The following GRHPR variants were observed in gnomAD, a reference collection of about 807,000 sequenced individuals.
The protein encoded by GRHPR is glyoxylate reductase/hydroxypyruvate reductase.
In GRHPR, 35 loss-of-function variants were observed where a neutral mutation model predicts 36.8. The ratio of observed to expected loss-of-function variants is 0.95; its 90% CI spans 0.73 to 1.26. GRHPR has a LOEUF of 1.26. GRHPR is among the 50% of genes most tolerant of loss of function. The pLI, the probability that GRHPR is intolerant of heterozygous loss-of-function variation, is 0.00. For missense variants in GRHPR, 380 were observed against 435.0 expected (o/e 0.87, Z 1.12); for synonymous variants, 179 against 181.0 (o/e 0.99, Z 0.09).
chr9:37,428,673 A>G, intron 5 of GRHPR, 101 bp downstream of exon 5: 1 of 804,952 alleles, frequency 1.2e-6, no homozygotes, highest in Non-Finnish European at 2.2e-6. Flanking sequence ...ACATGCTGTC[A>G]GGGCACTTTG....
chr9:37,427,051 G>A (rs1339981301), intron 4 of GRHPR, among the ~76,000 whole-genome samples: 1 of 152,168 alleles, frequency 6.6e-6, no homozygotes, highest in Non-Finnish European at 1.5e-5. Flanking sequence ...CATAGTCCCT[G>A]ACCCCAGGTG....
chr9:37,428,417 G>A (rs1034440163), intron 4 of GRHPR, 67 bp from the exon 5 acceptor site: 8 of 1,022,260 alleles, frequency 7.8e-6, no homozygotes, highest in South Asian at 2.5e-5. Flanking sequence ...CAGAGGTGCC[G>A]GGTTCTCAGC....
chr9:37,438,612 C>T (rs1327706597), downstream of GRHPR: 1 of 152,342 alleles, frequency 6.6e-6, no homozygotes, highest in Non-Finnish European at 1.5e-5. Context: ...ACCGCTCTGC[C>T]TGTGTCACTG....
rs917641311 is a variant in GRHPR, at chr9:37,429,774, G to A, written c.536G>A (p.Arg179Lys). ...ARRLKPFGVQ[R>K]FLYTGRQPRP... Reference sequence around the variant, plus strand: ...CGTCTGAAACCATTCGGTGTCCAGAGATTTCTGTACACAGGGCGCCAGCCC... The same window carrying A: ...CGTCTGAAACCATTCGGTGTCCAGAAATTTCTGTACACAGGGCGCCAGCCC... Residue 179 changes from arginine to lysine, a missense_variant, in exon 6 of 9, where the codon AGA becomes AAA. By Grantham distance (26) the Arg-to-Lys change is conservative. Coordinates refer to ENST00000318158, the MANE Select transcript of GRHPR (RefSeq NM_012203.2). The A allele has an allele frequency of 6.2e-7, 1 of 1,613,826 alleles. No homozygotes were observed. Among genetic ancestry groups the A allele is most frequent in the Non-Finnish European group, 8.5e-7 (1 of 1,179,656 alleles).
In GRHPR at chr9:37,436,795, G is replaced by A. The variant is rs1823687254; in HGVS notation, c.*13G>A. ...ACTCAAGCTGTAGCCAAACAGTAGA[G>A]ATGGAGGGCCGGGAAGCAAACCGTG... On this transcript the variant is annotated 3_prime_UTR_variant, in exon 9 of 9. Coordinates refer to ENST00000318158, the MANE Select transcript of GRHPR (RefSeq NM_012203.2). The A allele has an allele frequency of 1.2e-6, 2 of 1,613,872 alleles. No homozygotes were observed. Among genetic ancestry groups the A allele is most frequent in the Non-Finnish European group, 1.7e-6 (2 of 1,179,910 alleles).
At chr9:37,424,388 G>A (rs901057816) in intron 1 of GRHPR, among the ~76,000 whole-genome samples, 16 of 152,234 alleles carry the variant, frequency 1.1e-4, no homozygotes, top group African/African-American at 3.1e-4. Flanking sequence ...CCGTGGAAGC[G>A]TTGGGTGGCC....
intron 8 of GRHPR, among the ~76,000 whole-genome samples, chr9:37,433,033 C>G (rs1823445617): frequency 6.6e-6 from 1 of 152,192 alleles, no homozygotes; most frequent in Admixed American, 6.5e-5. Flanking sequence ...TCTAGCAGCA[C>G]CAGTTCCTTC....
In GRHPR at chr9:37,422,704, GGGCCAGCTTCTGTACTGCCA is replaced by G. The variant is rs1297225903; in HGVS notation, c.-44_-25del. ...CCCGCCCCGGCCCAGCTACATTCCC[GGGCCAGCTTCTGTACTGCCA>G]GGTCCGGGTCGGCGGCTGCACTGCG... On this transcript the variant is annotated 5_prime_UTR_variant, in exon 1 of 9. Transcript: ENST00000318158. The G allele has an allele frequency of 5.6e-6, 8 of 1,429,970 alleles. No homozygotes were observed. The African/African-American group carries it at 9.9e-5, about 18-fold the overall frequency. The allele number at this position is 1,429,970 out of a possible 1,614,324, so 88.6% of individuals were successfully genotyped here.
At chr9:37,429,515 G>C (rs1391463780) in intron 5 of GRHPR, 2 of 621,220 alleles carry the variant, frequency 3.2e-6, no homozygotes, top group East Asian at 5.8e-5. Context: ...GGGGAGCTGA[G>C]GTGCTGTCTC....
At chr9:37,429,244 T>C (rs1373865587) in intron 5 of GRHPR, 1 of 262,378 alleles carries the variant, frequency 3.8e-6, no homozygotes, top group Non-Finnish European at 7.5e-6. Context: ...AAAATCCAAC[T>C]GTACAAATCT....
intron 1 of GRHPR, among the ~76,000 whole-genome samples, chr9:37,423,398 C>T (rs931597436): frequency 6.6e-6 from 1 of 151,764 alleles, no homozygotes; most frequent in Admixed American, 6.6e-5. Context: ...GTCTCAAATT[C>T]CTGGGCTCAA....
chr9:37,430,965 T>C, intron 7 of GRHPR: 1 of 507,876 alleles, frequency 2.0e-6, no homozygotes, highest in Non-Finnish European at 4.0e-6. Context: ...CACAAAGGGC[T>C]GGACTTGAGG....
At chr9:37,429,202 A>G (rs756090361) in intron 5 of GRHPR, 2 of 253,224 alleles carry the variant, frequency 7.9e-6, no homozygotes, top group East Asian at 9.7e-5. Context: ...GCTTGGAGGA[A>G]CCCAACAGCT....
intron 5 of GRHPR, chr9:37,429,531 C>G (rs568601318): frequency 1.5e-6 from 1 of 655,332 alleles, no homozygotes; most frequent in South Asian, 1.6e-5. Context: ...GTCTCCAGAT[C>G]CCTGGGGCAG....
intron 8 of GRHPR, among the ~76,000 whole-genome samples, chr9:37,433,571 A>T (rs1336388441): frequency 6.6e-6 from 1 of 152,086 alleles, no homozygotes; most frequent in Non-Finnish European, 1.5e-5. Context: ...TGGAGGAGTG[A>T]CTGATCAAAC....
At chr9:37,423,371 C>T (rs1215770013) in intron 1 of GRHPR, among the ~76,000 whole-genome samples, 1 of 151,310 alleles carries the variant, frequency 6.6e-6, no homozygotes, top group East Asian at 1.9e-4. Context: ...GGGGGTCTCA[C>T]TCTGTTGCTC....
intron 1 of GRHPR, among the ~76,000 whole-genome samples, chr9:37,423,908 C>T (rs1296079189): frequency 1.3e-5 from 2 of 152,198 alleles, no homozygotes; most frequent in East Asian, 3.8e-4. Context: ...GGAGGCTGGA[C>T]TTAGGGTTAA....
intron 5 of GRHPR, chr9:37,429,308 G>C: frequency 3.5e-6 from 1 of 283,820 alleles, no homozygotes; most frequent in South Asian, 3.6e-5. Flanking sequence ...CTGGCAGTTT[G>C]GCAGTGCCAC....
intron 8 of GRHPR, chr9:37,433,750 G>A (rs146239085): frequency 2.1e-5 from 5 of 242,252 alleles, no homozygotes; most frequent in East Asian, 7.9e-5. Flanking sequence ...AACTTGATGC[G>A]TAGTTAATGA....
Sources: allele counts gnomAD v4.1 joint callset (sites outside exome capture counted in the v4.1 genomes callset), GRCh38; gene constraint gnomAD v4.1.1; transcripts MANE v1.5; gene names NCBI Gene and HGNC (gene_info 2026-07-23, HGNC 2026-07-21).